Variants in EXOC6B observed in about 807,000 individuals in gnomAD.
EXOC6B encodes exocyst complex component 6B, also known as SEC15 homolog B.
EXOC6B carries 54 observed loss-of-function variants against 113.5 expected under a neutral mutation model. The ratio of observed to expected loss-of-function variants is 0.48; its 90% CI spans 0.38 to 0.60. EXOC6B has a LOEUF of 0.60. EXOC6B is among the 20% of genes least tolerant of loss of function. EXOC6B has a pLI of 0.00. For synonymous variants in EXOC6B, 357 were observed against 339.0 expected, an observed-to-expected ratio of 1.05 and a Z score of -0.58; for missense variants, 797 against 977.5, an observed-to-expected ratio of 0.82 and a Z score of 2.46.
At chr2:72,211,425 G>A (rs1350141216) in intron 20 of EXOC6B, among the ~76,000 whole-genome samples, 1 of 152,134 alleles carries the variant, frequency 6.6e-6, no homozygotes, top group Non-Finnish European at 1.5e-5. Context: ...GAGAAGTCTG[G>A]TATAAGCTCA....
intron 20 of EXOC6B, among the ~76,000 whole-genome samples, chr2:72,270,945 T>A (rs1424895200): frequency 6.6e-6 from 1 of 152,208 alleles, no homozygotes; most frequent in Non-Finnish European, 1.5e-5. Flanking sequence ...TCTTTGAATC[T>A]TCTTTGTGTG....
intron 20 of EXOC6B, 38 bp from the exon 21 acceptor site, chr2:72,184,225 G>C: frequency 9.3e-7 from 1 of 1,080,186 alleles, no homozygotes; most frequent in Non-Finnish European, 1.4e-6. Flanking sequence ...GGATTAGTCA[G>C]ACAGACAAGA....
chr2:72,626,299 C>T (rs1672045628), intron 6 of EXOC6B, among the ~76,000 whole-genome samples: 1 of 152,130 alleles, frequency 6.6e-6, no homozygotes. Flanking sequence ...AAGATTTCAG[C>T]AACTCCTAAT....
At chr2:72,742,206 G>A (rs1368168170) in intron 1 of EXOC6B, among the ~76,000 whole-genome samples, 1 of 152,086 alleles carries the variant, frequency 6.6e-6, no homozygotes, top group East Asian at 1.9e-4. Context: ...AGTCCCTCTT[G>A]CTGTCTCAAG....
At chr2:72,718,822 G>C (rs780508489) in intron 5 of EXOC6B, among the ~76,000 whole-genome samples, 8 of 152,180 alleles carry the variant, frequency 5.3e-5, no homozygotes, top group Admixed American at 1.3e-4. Flanking sequence ...CTCCAGCCTA[G>C]AGGACGAAGT....
intron 6 of EXOC6B, among the ~76,000 whole-genome samples, chr2:72,670,395 A>C (rs1319293857): frequency 6.6e-6 from 1 of 152,228 alleles, no homozygotes; most frequent in East Asian, 1.9e-4. Flanking sequence ...ATAAAAAGGC[A>C]GTATTAGGTT....
chr2:72,789,620 G>A (rs1040459736), intron 1 of EXOC6B, among the ~76,000 whole-genome samples: 3 of 152,130 alleles, frequency 2.0e-5, no homozygotes, highest in Non-Finnish European at 4.4e-5. Context: ...TGACTCAGAA[G>A]GCAAAATGTT....
At chr2:72,710,351 T>G (rs1679192307) in intron 6 of EXOC6B, among the ~76,000 whole-genome samples, 1 of 152,082 alleles carries the variant, frequency 6.6e-6, no homozygotes, top group Admixed American at 6.6e-5. Context: ...ATGTGTGCTT[T>G]TTCACTGAAG....
intron 6 of EXOC6B, among the ~76,000 whole-genome samples, chr2:72,675,424 C>A (rs1676221270): frequency 6.6e-6 from 1 of 152,168 alleles, no homozygotes; most frequent in East Asian, 1.9e-4. Flanking sequence ...CTTGTGGAAT[C>A]TTTACAGCTC....
chr2:72,346,744 T>G (rs553874394), intron 19 of EXOC6B, among the ~76,000 whole-genome samples: 23 of 152,240 alleles, frequency 1.5e-4, no homozygotes, highest in South Asian at 2.1e-4. Context: ...TGGTTCCTTA[T>G]GAAGGAGGAA....
chr2:72,485,184 T>A (rs1233069811), intron 16 of EXOC6B, among the ~76,000 whole-genome samples: 1 of 152,206 alleles, frequency 6.6e-6, no homozygotes, highest in Non-Finnish European at 1.5e-5. Context: ...ATTCTATTCT[T>A]GACAAACCCC....
chr2:72,430,920 G>A (rs1695482759), intron 18 of EXOC6B, among the ~76,000 whole-genome samples: 1 of 152,212 alleles, frequency 6.6e-6, no homozygotes, highest in Non-Finnish European at 1.5e-5. Context: ...TCCATAGCCA[G>A]AGACTTGAGA....
intron 20 of EXOC6B, among the ~76,000 whole-genome samples, chr2:72,215,468 T>C (rs756235070): frequency 8.5e-5 from 13 of 152,300 alleles, no homozygotes; most frequent in East Asian, 1.9e-4. Flanking sequence ...GAAATCGTTA[T>C]GATCACCACC....
In EXOC6B at chr2:72,409,355, T is replaced by A. The variant is rs1289111294; in HGVS notation, c.1981-29485A>T. 3.9e-5 allele frequency among the ~76,000 whole-genome samples: 6 copies of A among 152,196 alleles called. No individual in the cohort carries two copies. In the East Asian group the frequency reaches 1.2e-3, roughly 29 times the overall value. ...CTGTAAATACCATTTGACCCAGCCA[T>A]CCCATTACTGGGTATATACCCAAAG... On this transcript the variant is annotated intron_variant, in intron 18 of 21. Transcript: ENST00000272427.
intron 5 of EXOC6B, among the ~76,000 whole-genome samples, chr2:72,719,847 A>C (rs1679879599): frequency 6.6e-6 from 1 of 152,196 alleles, no homozygotes; most frequent in Non-Finnish European, 1.5e-5. Context: ...AACAAAGAAC[A>C]TGGGAAATAG....
intron 20 of EXOC6B, among the ~76,000 whole-genome samples, chr2:72,273,752 G>A (rs1684647763): frequency 6.6e-6 from 1 of 152,124 alleles, no homozygotes; most frequent in African/African-American, 2.4e-5. Flanking sequence ...TTATATGCAA[G>A]GGCTTAGGAC....
chr2:72,628,242 G>C (rs989850992), intron 6 of EXOC6B, among the ~76,000 whole-genome samples: 13 of 151,738 alleles, frequency 8.6e-5, no homozygotes, highest in Middle Eastern at 3.4e-3. Context: ...TCCCACCTCA[G>C]CCTCCCAAGT....
chr2:72,432,604 T>C (rs1695606581), intron 18 of EXOC6B, among the ~76,000 whole-genome samples: 1 of 152,184 alleles, frequency 6.6e-6, no homozygotes, highest in African/African-American at 2.4e-5. Flanking sequence ...CCTGACTTCT[T>C]AATGATCCCC....
At chr2:72,269,166 T>C (rs1370172233) in intron 20 of EXOC6B, among the ~76,000 whole-genome samples, 1 of 152,116 alleles carries the variant, frequency 6.6e-6, no homozygotes, top group Non-Finnish European at 1.5e-5. Context: ...TCTTACTAAC[T>C]CTACAGATTT....
Sources: gnomAD v4.1 joint callset for allele counts (sites outside exome capture counted in the v4.1 genomes callset) on GRCh38, gnomAD v4.1.1 for gene constraint, MANE v1.5 for transcripts, NCBI Gene and HGNC (gene_info 2026-07-23, HGNC 2026-07-21) for gene names.